Variants in ADCY2 observed in about 807,000 individuals in gnomAD.
ADCY2 encodes the protein adenylate cyclase 2, also known as adenylate cyclase type 2.
ADCY2 carries 31 observed loss-of-function variants against 125.2 expected under a neutral mutation model. The observed-to-expected ratio is 0.25, with a 90% CI of 0.19 to 0.33. The LOEUF is 0.33. Among genes scored for constraint, ADCY2 ranks in the 10% least tolerant of loss-of-function variants. The pLI is 1.00. For missense variants in ADCY2, 904 were observed against 1,418.2 expected (o/e 0.64, Z 5.82); for synonymous variants, 512 against 548.4 (o/e 0.93, Z 0.93).
intron 22 of ADCY2, among the ~76,000 whole-genome samples, chr5:7,805,468 G>GAA (rs1187500300): frequency 1.3e-4 from 20 of 152,166 alleles, no homozygotes; most frequent in African/African-American, 4.8e-4. Context: ...GAGAGAGAGA[G>GAA]AGAGAGAGAC....
At chr5:7,403,369 T>C (rs991083598) in intron 1 of ADCY2, among the ~76,000 whole-genome samples, 2 of 152,176 alleles carry the variant, frequency 1.3e-5, no homozygotes, top group African/African-American at 4.8e-5. Context: ...AGACATATGG[T>C]CAACCTAATG....
intron 3 of ADCY2, among the ~76,000 whole-genome samples, chr5:7,531,789 CTTAA>C (rs2126546880): frequency 6.6e-6 from 1 of 152,334 alleles, no homozygotes; most frequent in South Asian, 2.1e-4. Flanking sequence ...TTGCAGCATA[CTTAA>C]TTATTTCTGC....
At chr5:7,814,851 G>A (rs965586108) in intron 22 of ADCY2, among the ~76,000 whole-genome samples, 3 of 152,122 alleles carry the variant, frequency 2.0e-5, no homozygotes, top group Admixed American at 6.5e-5. Flanking sequence ...GGGCTCCAAC[G>A]CTCATCTCAG....
At chr5:7,606,044 G>T (rs1737364122) in intron 3 of ADCY2, among the ~76,000 whole-genome samples, 1 of 147,668 alleles carries the variant, frequency 6.8e-6, no homozygotes, top group Non-Finnish European at 1.5e-5. Flanking sequence ...TTTGTCAAAG[G>T]CTTTTTCTGC....
intron 2 of ADCY2, among the ~76,000 whole-genome samples, chr5:7,477,229 G>T (rs972650789): frequency 8.6e-5 from 13 of 151,938 alleles, no homozygotes; most frequent in African/African-American, 2.9e-4. Context: ...CATTAAAAGA[G>T]CCAGGCTAAA....
intron 17 of ADCY2, among the ~76,000 whole-genome samples, chr5:7,768,548 A>G (rs1303040304): frequency 6.6e-6 from 1 of 152,200 alleles, no homozygotes; most frequent in African/African-American, 2.4e-5. Context: ...TATAGCTGCA[A>G]TATTTTTTTA....
intron 3 of ADCY2, among the ~76,000 whole-genome samples, chr5:7,621,081 GGGATCTGAGT>G (rs1737939827): frequency 6.6e-6 from 1 of 152,184 alleles, no homozygotes; most frequent in Non-Finnish European, 1.5e-5. Context: ...GCCATAACAA[GGGATCTGAGT>G]GGTCACCTAA....
chr5:7,653,259 G>A (rs138887532), intron 4 of ADCY2, among the ~76,000 whole-genome samples: 4 of 151,980 alleles, frequency 2.6e-5, no homozygotes, highest in African/African-American at 7.3e-5. Context: ...GTGTGGACTC[G>A]AGCCGGCCAG....
intron 2 of ADCY2, among the ~76,000 whole-genome samples, chr5:7,510,884 A>C (rs1044938238): frequency 6.6e-6 from 1 of 152,212 alleles, no homozygotes; most frequent in African/African-American, 2.4e-5. Flanking sequence ...CTGCTTTGTT[A>C]CTGCAAAGAG....
rs115505295 is a variant in ADCY2, at chr5:7,681,733, G to A, written c.721-8958G>A. On this transcript the variant is annotated intron_variant, in intron 4 of 24. Transcript: ENST00000338316. Reference sequence around the variant, plus strand: ...ACAGTGTGGGATACTTGTGGTACTCGCCCCAAGAGCAGTTTTGCTTTGGGG... The same window carrying A: ...ACAGTGTGGGATACTTGTGGTACTCACCCCAAGAGCAGTTTTGCTTTGGGG... Among the ~76,000 whole-genome samples the A allele has an allele frequency of 4.0e-3, 607 of 152,136 alleles. 3 individuals are homozygous for A. The highest frequency in any genetic ancestry group is 6.7e-3 in the Non-Finnish European group (454 of 68,012).
chr5:7,487,859 A>G (rs1350978178), intron 2 of ADCY2, among the ~76,000 whole-genome samples: 1 of 152,174 alleles, frequency 6.6e-6, no homozygotes, highest in Admixed American at 6.5e-5. Flanking sequence ...GGACCAAAAT[A>G]TACATTCTTA....
intron 17 of ADCY2, among the ~76,000 whole-genome samples, chr5:7,772,426 T>C (rs1346865524): frequency 6.6e-6 from 1 of 152,236 alleles, no homozygotes; most frequent in Non-Finnish European, 1.5e-5. Context: ...CTGTTTTAAA[T>C]AGGCCCTCTG....
At chr5:7,640,122 T>C (rs1430744277) in intron 4 of ADCY2, among the ~76,000 whole-genome samples, 14 of 152,222 alleles carry the variant, frequency 9.2e-5, no homozygotes. Flanking sequence ...TGCAGGATAA[T>C]GAATCTTTAA....
At chr5:7,480,656 G>A (rs1742694998) in intron 2 of ADCY2, among the ~76,000 whole-genome samples, 1 of 152,070 alleles carries the variant, frequency 6.6e-6, no homozygotes, top group Non-Finnish European at 1.5e-5. Flanking sequence ...ATGGGTAATA[G>A]GCTTAATACC....
chr5:7,534,718 C>T (rs1237270266), intron 3 of ADCY2, among the ~76,000 whole-genome samples: 2 of 152,180 alleles, frequency 1.3e-5, no homozygotes, highest in Non-Finnish European at 2.9e-5. Flanking sequence ...ATTGCATCTG[C>T]CAGAAGACAG....
chr5:7,527,419 G>A (rs1374880247), intron 3 of ADCY2, among the ~76,000 whole-genome samples: 1 of 152,174 alleles, frequency 6.6e-6, no homozygotes, highest in Non-Finnish European at 1.5e-5. Context: ...TATACATCAT[G>A]ATTGCACTTT....
At position 7,816,875 on chromosome 5, in the gene ADCY2, C is replaced by A. The variant is rs1745129617; in HGVS notation, c.2893C>A (p.Arg965=). ...PSQEHSQEPE[R]QYMHIGTMVE... is the part of the protein sequence containing the mutation. ...GTGTGTTTGTTCTCAGGAGCCCGAG[C>A]GGCAGTACATGCACATTGGCACCAT... is the stretch of plus-strand genomic sequence containing the variant. The change falls in exon 23 of 25, where the codon CGG becomes AGG. Residue 965 remains arginine, a synonymous_variant. Transcript: ENST00000338316. The A allele has an allele frequency of 3.1e-6, 5 of 1,613,930 alleles. No homozygotes were observed. Among genetic ancestry groups the A allele is most frequent in the East Asian group, 2.2e-5 (1 of 44,882 alleles).
chr5:7,543,324 CTAAT>C (rs1735050414), intron 3 of ADCY2, among the ~76,000 whole-genome samples: 1 of 151,752 alleles, frequency 6.6e-6, no homozygotes, highest in Admixed American at 6.6e-5. Context: ...ATATTTTAAT[CTAAT>C]TAATATCTCA....
intron 3 of ADCY2, among the ~76,000 whole-genome samples, chr5:7,534,690 T>C (rs1410240521): frequency 6.6e-6 from 1 of 152,252 alleles, no homozygotes; most frequent in Non-Finnish European, 1.5e-5. Context: ...GCATTCCTGC[T>C]TTCTTTTCCT....
Sources: gnomAD v4.1 joint callset for allele counts (sites outside exome capture counted in the v4.1 genomes callset) on GRCh38, gnomAD v4.1.1 for gene constraint, MANE v1.5 for transcripts, NCBI Gene and HGNC (gene_info 2026-07-23, HGNC 2026-07-21) for gene names.